CASK: variants seen among roughly 807,000 people sequenced by gnomAD.
CASK encodes the protein peripheral plasma membrane protein CASK.
Under a neutral mutation model 82.9 loss-of-function variants are expected in CASK, and 4 were observed. The ratio of observed to expected loss-of-function variants is 0.05; its 90% CI spans 0.02 to 0.11. The LOEUF (loss-of-function observed/expected upper bound fraction) is 0.11. Among genes scored for constraint, CASK ranks in the 10% least tolerant of loss-of-function variants. The probability of loss-of-function intolerance (pLI) is 1.00; values close to 1 mark genes in which losing one functional copy is unlikely to be tolerated. For synonymous variants in CASK, 259 were observed against 253.5 expected (o/e 1.02, Z -0.20); for missense variants, 358 against 720.9 (o/e 0.50, Z 5.76).
At chrX:41,622,108 T>C (rs770711297) in intron 11 of CASK, among the ~76,000 whole-genome samples, 1 of 112,432 alleles carries the variant, frequency 8.9e-6, no homozygotes, top group East Asian at 2.8e-4. Context: ...ATCTAGCTAT[T>C]ACATTATTCC....
chrX:41,670,528 C>CT (rs2067181654), intron 6 of CASK, among the ~76,000 whole-genome samples: 1 of 111,779 alleles, frequency 8.9e-6, no homozygotes, highest in Admixed American at 9.5e-5. Flanking sequence ...AGGAGGACTG[C>CT]TTAGGCCCAG....
intron 3 of CASK, among the ~76,000 whole-genome samples, chrX:41,764,509 A>C (rs1413176476): frequency 9.0e-6 from 1 of 111,600 alleles, no homozygotes; most frequent in Non-Finnish European, 1.9e-5. Context: ...CAAACTCAGC[A>C]TGTCCAAAGT....
intron 5 of CASK, among the ~76,000 whole-genome samples, chrX:41,709,484 A>G (rs2147624191): frequency 9.0e-6 from 1 of 111,693 alleles, no homozygotes; most frequent in African/African-American, 3.2e-5. Flanking sequence ...ATATTATGAG[A>G]GTCCATATAA....
intron 5 of CASK, 47 bp downstream of exon 5, chrX:41,739,337 C>T: frequency 1.3e-6 from 1 of 750,666 alleles, no homozygotes; most frequent in African/African-American, 2.0e-5. Context: ...ATTGTTATAT[C>T]AGTATTTCTT....
chrX:41,796,153 T>C (rs1366265056), intron 2 of CASK, among the ~76,000 whole-genome samples: 2 of 112,405 alleles, frequency 1.8e-5, no homozygotes, highest in Non-Finnish European at 3.8e-5. Context: ...AGTTATGATA[T>C]AATAGATAGG....
intron 1 of CASK, among the ~76,000 whole-genome samples, chrX:41,867,175 A>T (rs2071606946): frequency 8.9e-6 from 1 of 112,273 alleles, no homozygotes; most frequent in Admixed American, 9.4e-5. Context: ...ACTGAAGGTC[A>T]GCTCTTAATA....
intron 5 of CASK, chrX:41,698,042 T>G (rs765253448): frequency 9.0e-6 from 1 of 111,619 alleles, no homozygotes; most frequent in Admixed American, 9.5e-5. Context: ...CTCAGGGTGA[T>G]CCACCTGCCT....
chrX:41,656,022 T>G (rs2147450009), intron 8 of CASK, among the ~76,000 whole-genome samples: 1 of 110,879 alleles, frequency 9.0e-6, no homozygotes, highest in African/African-American at 3.3e-5. Context: ...AAGTAGAATA[T>G]GTTGATGCCC....
chrX:41,717,047 A>G (rs1322147405), intron 5 of CASK, among the ~76,000 whole-genome samples: 1 of 110,066 alleles, frequency 9.1e-6, no homozygotes, highest in East Asian at 2.8e-4. Context: ...CCCTCCTGCC[A>G]TAACAGCTCT....
chrX:41,596,320 G>A (rs1327215543), intron 12 of CASK, among the ~76,000 whole-genome samples: 12 of 112,149 alleles, frequency 1.1e-4, no homozygotes, highest in Admixed American at 4.7e-4. Flanking sequence ...GTATGAGGGC[G>A]GCTGTTAATA....
chrX:41,772,283 G>A (rs2069256824), intron 3 of CASK, among the ~76,000 whole-genome samples: 1 of 101,650 alleles, frequency 9.8e-6, no homozygotes, highest in African/African-American at 3.6e-5. Context: ...CCTGGGAGGT[G>A]GAGGTTGCAG....
chrX:41,852,675 A>G (rs2071287287), intron 2 of CASK, among the ~76,000 whole-genome samples: 1 of 111,416 alleles, frequency 9.0e-6, no homozygotes, highest in African/African-American at 3.3e-5. Flanking sequence ...AATGTGAGAT[A>G]TGAATCTTTT....
At chrX:41,786,832 T>C in intron 3 of CASK, 1 of 218,304 alleles carries the variant, frequency 4.6e-6, no homozygotes, top group Non-Finnish European at 8.4e-6. Context: ...GCCAAGAGTC[T>C]TGCTACATGG....
intron 1 of CASK, among the ~76,000 whole-genome samples, chrX:41,892,222 ATTTTT>A (rs753034665): frequency 1.1e-5 from 1 of 90,312 alleles, no homozygotes; most frequent in Admixed American, 1.2e-4. Context: ...TTCAACGAGA[ATTTTT>A]TTTTTTTTTT....
intron 12 of CASK, among the ~76,000 whole-genome samples, chrX:41,593,529 G>C (rs1416618113): frequency 9.0e-6 from 1 of 111,634 alleles, no homozygotes; most frequent in Non-Finnish European, 1.9e-5. Flanking sequence ...TATAACCAAA[G>C]GCCCAGAAAT....
intron 3 of CASK, among the ~76,000 whole-genome samples, chrX:41,755,401 C>T (rs2068875247): frequency 9.0e-6 from 1 of 111,557 alleles, no homozygotes; most frequent in Non-Finnish European, 1.9e-5. Context: ...TACACCAGGT[C>T]CAAATTGAGT....
At chrX:41,790,575 G>A (rs1355433362) in intron 2 of CASK, among the ~76,000 whole-genome samples, 1 of 111,375 alleles carries the variant, frequency 9.0e-6, no homozygotes, top group Admixed American at 9.6e-5. Flanking sequence ...AATTGCTGGG[G>A]GGCCAGCCTT....
At chrX:41,633,101 TC>T (rs2066501686) in intron 9 of CASK, among the ~76,000 whole-genome samples, 2 of 108,367 alleles carry the variant, frequency 1.8e-5, no homozygotes, top group Non-Finnish European at 3.8e-5. Flanking sequence ...TTATTAGAAA[TC>T]CTTGCTTTCT....
intron 14 of CASK, among the ~76,000 whole-genome samples, chrX:41,583,506 G>A (rs1014780056): frequency 2.3e-4 from 25 of 110,274 alleles, no homozygotes; most frequent in African/African-American, 7.9e-4. Context: ...GCGTGATCTC[G>A]CCTCACTGAA....
Sources: allele counts gnomAD v4.1 joint callset (sites outside exome capture counted in the v4.1 genomes callset), GRCh38; gene constraint gnomAD v4.1.1; transcripts MANE v1.5; gene names NCBI Gene and HGNC (gene_info 2026-07-23, HGNC 2026-07-21).